Variants in ANKS1B observed in about 807,000 individuals in gnomAD.
ANKS1B encodes the protein ankyrin repeat and sterile alpha motif domain-containing protein 1B.
Under a neutral mutation model 148.3 loss-of-function variants are expected in ANKS1B, and 36 were observed. The ratio of observed to expected loss-of-function variants is 0.24; its 90% CI spans 0.19 to 0.32. The LOEUF (loss-of-function observed/expected upper bound fraction) is 0.32, where lower values mean the gene tolerates loss of function less well. Among genes scored for constraint, ANKS1B ranks in the 10% least tolerant of loss-of-function variants. ANKS1B has a pLI of 1.00. For synonymous variants in ANKS1B, 542 were observed against 560.8 expected (o/e 0.97, Z 0.47); for missense variants, 1,157 against 1,542.6 (o/e 0.75, Z 4.19).
intron 4 of ANKS1B, among the ~76,000 whole-genome samples, chr12:99,795,136 A>T (rs933285672): frequency 2.4e-4 from 36 of 151,950 alleles, no homozygotes; most frequent in African/African-American, 8.7e-4. Context: ...AATAATAGTC[A>T]GTGGCTAAGA....
chr12:99,594,354 T>C (rs766851302), intron 9 of ANKS1B, among the ~76,000 whole-genome samples: 1 of 152,074 alleles, frequency 6.6e-6, no homozygotes, highest in Non-Finnish European at 1.5e-5. Context: ...ATCCCACTTT[T>C]GAGTATTTAT....
intron 17 of ANKS1B, 81 bp from the exon 18 acceptor site, chr12:98,832,217 A>G (rs2099323608): frequency 8.5e-7 from 1 of 1,176,846 alleles, no homozygotes; most frequent in African/African-American, 1.5e-5. Flanking sequence ...TGGGGTGAAA[A>G]AAGATTTGTG....
chr12:99,276,322 G>A (rs1354003066), intron 12 of ANKS1B, among the ~76,000 whole-genome samples: 2 of 152,142 alleles, frequency 1.3e-5, no homozygotes, highest in Non-Finnish European at 2.9e-5. Context: ...CTTAGTGACT[G>A]TATTTGGATA....
intron 9 of ANKS1B, 39 bp from the exon 10 acceptor site, chr12:99,504,680 G>T (rs1305408491): frequency 7.0e-7 from 1 of 1,418,660 alleles, no homozygotes; most frequent in Admixed American, 2.8e-5. Context: ...TTGTGATGAA[G>T]AAACAGCCTT....
chr12:98,917,775 G>A (rs1204852992), intron 17 of ANKS1B, among the ~76,000 whole-genome samples: 1 of 152,154 alleles, frequency 6.6e-6, no homozygotes, highest in Non-Finnish European at 1.5e-5. Context: ...ATGGGATTTG[G>A]GAGAATGAGG....
chr12:98,873,749 G>A (rs1180596398), intron 17 of ANKS1B, among the ~76,000 whole-genome samples: 1 of 152,134 alleles, frequency 6.6e-6, no homozygotes, highest in Non-Finnish European at 1.5e-5. Flanking sequence ...ATACCCCACT[G>A]AAAAAAGACA....
At chr12:99,013,855 A>G (rs73384692) in intron 17 of ANKS1B, among the ~76,000 whole-genome samples, 2,167 of 152,274 alleles carry the variant, frequency 0.014, 49 homozygotes, top group African/African-American at 0.05. Flanking sequence ...TCACTGCCCA[A>G]AGAAATCAGA....
chr12:99,611,557 T>C (rs2097902549), intron 9 of ANKS1B, among the ~76,000 whole-genome samples: 1 of 152,086 alleles, frequency 6.6e-6, no homozygotes, highest in Non-Finnish European at 1.5e-5. Flanking sequence ...CTGAGGCCTC[T>C]GTGATAAATG....
intron 9 of ANKS1B, among the ~76,000 whole-genome samples, chr12:99,626,322 G>T (rs1305679642): frequency 6.6e-6 from 1 of 152,050 alleles, no homozygotes; most frequent in Non-Finnish European, 1.5e-5. Context: ...ATGAAAAATG[G>T]TACATCAAAG....
At chr12:99,246,079 T>C (rs2073838677) in intron 13 of ANKS1B, among the ~76,000 whole-genome samples, 196 bp downstream of exon 13, 1 of 152,150 alleles carries the variant, frequency 6.6e-6, no homozygotes, top group African/African-American at 2.4e-5. Flanking sequence ...TTAACCCACA[T>C]GTGTGGAACA....
intron 9 of ANKS1B, among the ~76,000 whole-genome samples, chr12:99,615,921 T>G (rs1199287447): frequency 6.6e-6 from 1 of 152,128 alleles, no homozygotes; most frequent in East Asian, 1.9e-4. Flanking sequence ...AAACTTAAGC[T>G]GATAAGCAAC....
Position 99,984,083 on chromosome 12 carries a change from G to A in ANKS1B, c.134+21C>T, listed in dbSNP as rs777013471. 4.4e-6 allele frequency: 7 copies of A among 1,602,766 alleles called. No homozygotes were observed. In the East Asian group the frequency reaches 1.1e-4, roughly 26 times the overall value. On this transcript the variant is annotated intron_variant, in intron 1 of 26. Transcript: ENST00000683438. ...ATGCATAATGAGGTGTGCCAACCCC[G>A]GAGCTGGTGCCCGTCCTTACCTTAG... is the stretch of plus-strand genomic sequence containing the variant.
At chr12:99,493,374 G>C (rs1483691272) in intron 10 of ANKS1B, among the ~76,000 whole-genome samples, 1 of 149,340 alleles carries the variant, frequency 6.7e-6, no homozygotes, top group African/African-American at 2.6e-5. Flanking sequence ...CAGAATCTCT[G>C]GGACACACCT....
At chr12:99,753,052 T>G (rs1245239322) in intron 8 of ANKS1B, among the ~76,000 whole-genome samples, 2 of 152,088 alleles carry the variant, frequency 1.3e-5, no homozygotes, top group Non-Finnish European at 2.9e-5. Flanking sequence ...GATTATAAAT[T>G]CAGTTGAAGT....
intron 19 of ANKS1B, among the ~76,000 whole-genome samples, chr12:98,812,643 G>A (rs1205528388): frequency 2.0e-5 from 3 of 151,894 alleles, no homozygotes; most frequent in South Asian, 2.1e-4. Flanking sequence ...GTGCGATCTC[G>A]GCTCGCTGCA....
intron 2 of ANKS1B, among the ~76,000 whole-genome samples, chr12:99,818,024 T>A (rs1157758628): frequency 6.6e-6 from 1 of 151,724 alleles, no homozygotes; most frequent in African/African-American, 2.4e-5. Flanking sequence ...TCTCAACAAA[T>A]ACAAAAATTC....
At chr12:99,385,951 G>C (rs2093841518) in intron 12 of ANKS1B, among the ~76,000 whole-genome samples, 2 of 152,162 alleles carry the variant, frequency 1.3e-5, no homozygotes, top group Admixed American at 6.5e-5. Flanking sequence ...CGAGAGGTTT[G>C]TTTAGTTAAT....
chr12:99,317,968 T>C (rs754540917), intron 12 of ANKS1B, among the ~76,000 whole-genome samples: 3 of 152,234 alleles, frequency 2.0e-5, no homozygotes, highest in Non-Finnish European at 4.4e-5. Flanking sequence ...GGATTAAGTT[T>C]ATTGATTTGC....
At chr12:99,972,189 C>T (rs2095567467) in intron 1 of ANKS1B, among the ~76,000 whole-genome samples, 1 of 152,150 alleles carries the variant, frequency 6.6e-6, no homozygotes, top group South Asian at 2.1e-4. Flanking sequence ...ATGAATAACC[C>T]TTCACTGACC....
Sources: allele counts gnomAD v4.1 joint callset (sites outside exome capture counted in the v4.1 genomes callset), GRCh38; gene constraint gnomAD v4.1.1; transcripts MANE v1.5; gene names NCBI Gene and HGNC (gene_info 2026-07-23, HGNC 2026-07-21).